The following IL23R variants were observed in gnomAD, a reference collection of about 807,000 sequenced individuals.
IL23R encodes the protein interleukin 23 receptor, also known as interleukin-23 receptor.
In IL23R, 34 loss-of-function variants were observed where a neutral mutation model predicts 56.9. The ratio of observed to expected loss-of-function variants is 0.60; its 90% CI spans 0.45 to 0.80. The LOEUF is 0.80. Among genes scored for constraint, IL23R ranks in the 30% least tolerant of loss-of-function variants. The probability of loss-of-function intolerance (pLI) is 0.00; values close to 1 mark genes in which losing one functional copy is unlikely to be tolerated. For missense variants in IL23R, 635 were observed against 730.0 expected, an observed-to-expected ratio of 0.87 and a Z score of 1.50; for synonymous variants, 230 against 249.2, an observed-to-expected ratio of 0.92 and a Z score of 0.73.
chr1:67,235,985 TG>T, intron 7 of IL23R, among the ~76,000 whole-genome samples: 1 of 152,334 alleles, frequency 6.6e-6, no homozygotes, highest in South Asian at 2.1e-4. Context: ...ATTGTGTCCT[TG>T]AAGTCACTTC....
chr1:67,145,730 A>C (rs1273974239), intron 1 of IL23R, among the ~76,000 whole-genome samples: 1 of 152,244 alleles, frequency 6.6e-6, no homozygotes, highest in Non-Finnish European at 1.5e-5. Flanking sequence ...AAACAGGATC[A>C]TTAAAATAGT....
intron 1 of IL23R, among the ~76,000 whole-genome samples, chr1:67,142,792 T>C (rs1236863832): frequency 2.0e-5 from 3 of 152,164 alleles, no homozygotes; most frequent in Admixed American, 1.3e-4. Context: ...GGTCTCGAAC[T>C]CCTGACCTCA....
At chr1:67,228,363 C>CTTTTTTTTTTTTTTTTTTTTT (rs78083258) in intron 7 of IL23R, among the ~76,000 whole-genome samples, 9 of 105,784 alleles carry the variant, frequency 8.5e-5, no homozygotes, top group East Asian at 3.8e-4. Flanking sequence ...TTTTTTCTTC[C>CTTTTTTTTTTTTTTTTTTTTT]TTTTTTTTTT....
At chr1:67,165,102 A>C (rs542997922), upstream of IL23R, among the ~76,000 whole-genome samples, 15 of 151,958 alleles carry the variant, frequency 9.9e-5, no homozygotes, top group Admixed American at 9.8e-4. Flanking sequence ...CTAGCTACTC[A>C]GGAAGCTGAA....
intron 9 of IL23R, among the ~76,000 whole-genome samples, chr1:67,250,356 A>G (rs1395398969): frequency 6.6e-6 from 1 of 152,204 alleles, no homozygotes; most frequent in Non-Finnish European, 1.5e-5. Flanking sequence ...ACTTTAGGAC[A>G]AGAATTTACC....
chr1:67,194,573 G>A (rs1443495790), intron 4 of IL23R, among the ~76,000 whole-genome samples: 52 of 152,148 alleles, frequency 3.4e-4, no homozygotes, highest in Admixed American at 3.4e-3. Flanking sequence ...TTGTGGTCTA[G>A]GTGCTAATAT....
intron 4 of IL23R, among the ~76,000 whole-genome samples, chr1:67,186,233 A>G (rs1434630182): frequency 6.6e-6 from 1 of 152,224 alleles, no homozygotes; most frequent in Non-Finnish European, 1.5e-5. Flanking sequence ...TGACAGAGAT[A>G]GCCTAGTGTC....
At chr1:67,210,044 C>A (rs886243422) in intron 6 of IL23R, among the ~76,000 whole-genome samples, 3 of 152,226 alleles carry the variant, frequency 2.0e-5, no homozygotes, top group East Asian at 3.9e-4. Flanking sequence ...ATGAATGTTT[C>A]TTTTTAAGTG....
chr1:67,203,365 C>T (rs1648769334), intron 5 of IL23R, among the ~76,000 whole-genome samples: 1 of 152,042 alleles, frequency 6.6e-6, no homozygotes, highest in Non-Finnish European at 1.5e-5. Context: ...TACCACCATC[C>T]CACCTCCCAC....
chr1:67,187,237 A>T (rs1206312477), intron 4 of IL23R, among the ~76,000 whole-genome samples: 2 of 152,144 alleles, frequency 1.3e-5, no homozygotes, highest in African/African-American at 2.4e-5. Flanking sequence ...ATTCTTGCCA[A>T]CCTTTGTTTT....
chr1:67,150,248 C>CTTTTTT (rs552806817), intron 1 of IL23R, among the ~76,000 whole-genome samples: 977 of 109,322 alleles, frequency 8.9e-3, no homozygotes, highest in East Asian at 0.011. Context: ...GCATTTCGAA[C>CTTTTTT]TTTTTTTTTT....
chr1:67,216,105 C>T (rs1251418015), intron 6 of IL23R, among the ~76,000 whole-genome samples: 4 of 152,148 alleles, frequency 2.6e-5, no homozygotes, highest in African/African-American at 7.2e-5. Flanking sequence ...CCCTCAAATT[C>T]ATGTCAAAAA....
intron 1 of IL23R, among the ~76,000 whole-genome samples, chr1:67,141,641 C>G (rs1260151160): frequency 6.6e-6 from 1 of 152,086 alleles, no homozygotes; most frequent in Non-Finnish European, 1.5e-5. Context: ...TATCTGCAGT[C>G]CAGCTATTCA....
rs1049405724 is a variant in IL23R at position 67,218,739 on chromosome 1, G to A, written c.799-835G>A. 1.2e-4 allele frequency among the ~76,000 whole-genome samples: 18 copies of A among 151,720 alleles called. No homozygotes were observed. The East Asian group carries it at 3.3e-3, about 28-fold the overall frequency. On this transcript the variant is annotated intron_variant, in intron 6 of 10. Transcript: ENST00000347310. ...AGGAGACCAGCCTGGGCAATATAATGAGAACTTATCTCTACAGAAAAATTT... is the reference window on the plus strand; with the variant it reads ...AGGAGACCAGCCTGGGCAATATAATAAGAACTTATCTCTACAGAAAAATTT...
At chr1:67,171,147 G>A (rs376594343) in intron 3 of IL23R, among the ~76,000 whole-genome samples, 5 of 152,102 alleles carry the variant, frequency 3.3e-5, no homozygotes, top group African/African-American at 7.2e-5. Flanking sequence ...TTATCCTTTG[G>A]GGGTGGGAGT....
At chr1:67,204,787 G>C in intron 5 of IL23R, among the ~76,000 whole-genome samples, 1 of 143,020 alleles carries the variant, frequency 7.0e-6, no homozygotes. Context: ...TTTTTTTCCA[G>C]GGTTGGGGTT....
intron 6 of IL23R, among the ~76,000 whole-genome samples, chr1:67,214,207 T>C (rs1007785185): frequency 2.0e-5 from 3 of 152,104 alleles, no homozygotes; most frequent in Non-Finnish European, 2.9e-5. Context: ...AATAAACATC[T>C]CAGAGAAAAA....
chr1:67,248,868 C>T (rs750107777), intron 9 of IL23R, among the ~76,000 whole-genome samples: 1 of 152,164 alleles, frequency 6.6e-6, no homozygotes, highest in African/African-American at 2.4e-5. Context: ...CCAGAGTATA[C>T]TGTTCCTCCC....
chr1:67,167,062 G>A (rs148938911), intron 1 of IL23R, among the ~76,000 whole-genome samples: 5 of 152,212 alleles, frequency 3.3e-5, no homozygotes, highest in African/African-American at 1.2e-4. Context: ...TTTCTATAAC[G>A]TGTTCCTTTC....
Sources: gnomAD v4.1 joint callset for allele counts (sites outside exome capture counted in the v4.1 genomes callset) on GRCh38, gnomAD v4.1.1 for gene constraint, MANE v1.5 for transcripts, NCBI Gene and HGNC (gene_info 2026-07-23, HGNC 2026-07-21) for gene names.